PCDHGB2: variants seen among roughly 807,000 people sequenced by gnomAD.
PCDHGB2 encodes the protein protocadherin gamma subfamily B, 2, also known as protocadherin gamma-B2.
PCDHGB2 carries 55 observed loss-of-function variants against 59.3 expected under a neutral mutation model. That is an observed-to-expected ratio of 0.93 (90% CI 0.75 to 1.16). PCDHGB2 has a LOEUF of 1.16. Among genes scored for constraint, PCDHGB2 ranks in the 50% most tolerant of loss-of-function variants. PCDHGB2 has a pLI of 0.00. For missense variants in PCDHGB2, 1,228 were observed against 1,198.5 expected, an observed-to-expected ratio of 1.02 and a Z score of -0.36; for synonymous variants, 516 against 512.0, an observed-to-expected ratio of 1.01 and a Z score of -0.11.
rs367731612 is a variant in PCDHGB2, at chr5:141,419,406, C to T, written c.2421+56850C>T. The T allele has an allele frequency of 6.5e-5, 105 of 1,613,522 alleles. 1 individual carries two copies. The South Asian group carries it at 1.0e-3, about 16-fold the overall frequency. Reference sequence around the variant, plus strand: ...AGCGCGCAGAGCGGGGTGGTGTTCGCGCAGCGCGCCTTCGACCACGAGCAG... The same window carrying T: ...AGCGCGCAGAGCGGGGTGGTGTTCGTGCAGCGCGCCTTCGACCACGAGCAG... On this transcript the variant is annotated intron_variant, in intron 1 of 3. Transcript: ENST00000522605.
chr5:141,511,084 C>G lies in PCDHGB2; in HGVS notation c.2707C>G (p.Leu903Val). 1 of 1,614,236 alleles carries G rather than the reference C, an allele frequency of 6.2e-7. No homozygotes were observed. Among genetic ancestry groups the G allele is most frequent in the Non-Finnish European group, 8.5e-7 (1 of 1,180,030 alleles). The change falls in exon 4 of 4, where the codon CTG becomes GTG. Residue 903 changes from leucine (L) to valine (V), a missense_variant. Leu to Val is a conservative substitution (Grantham distance 32). Around this residue, in one of 3 missense-constraint regions of PCDHGB2, gnomAD observed 433 missense variants for 441.8 expected, o/e 0.98. Coordinates refer to ENST00000522605, the MANE Select transcript of PCDHGB2 (RefSeq NM_018923.3). Reference sequence around the variant, plus strand: ...CTACATCCCAGGCAGCAATGCCACACTGACCAACGCAGCTGGCAAGCGGGA... The same window carrying G: ...CTACATCCCAGGCAGCAATGCCACAGTGACCAACGCAGCTGGCAAGCGGGA... ...NVYIPGSNAT[L>V]TNAAGKRDGK...
chr5:141,509,900 C>T (rs2099878860), intron 3 of PCDHGB2, among the ~76,000 whole-genome samples: 1 of 152,186 alleles, frequency 6.6e-6, no homozygotes, highest in Admixed American at 6.5e-5. Context: ...CTGTCCCTTC[C>T]AGCATGCGCT....
chr5:141,503,598 CAAAA>C (rs765754054), intron 2 of PCDHGB2, among the ~76,000 whole-genome samples: 2 of 65,756 alleles, frequency 3.0e-5, no homozygotes. Flanking sequence ...GACTCCAGCT[CAAAA>C]AAAAAAAAAA....
intron 1 of PCDHGB2, among the ~76,000 whole-genome samples, chr5:141,488,289 TAAGTGAA>T (rs1389982829): frequency 6.6e-6 from 1 of 152,186 alleles, no homozygotes; most frequent in Non-Finnish European, 1.5e-5. Context: ...GAAAAAACAG[TAAGTGAA>T]ATCACTTATG....
At chr5:141,479,003 C>A (rs2099485569) in intron 1 of PCDHGB2, among the ~76,000 whole-genome samples, 1 of 152,176 alleles carries the variant, frequency 6.6e-6, no homozygotes, top group African/African-American at 2.4e-5. Flanking sequence ...AAACTAATAG[C>A]TTTTTGATAA....
At chr5:141,492,382 T>C (rs71583650) in intron 1 of PCDHGB2, among the ~76,000 whole-genome samples, 2,103 of 152,322 alleles carry the variant, frequency 0.014, 36 homozygotes, top group African/African-American at 0.031. Flanking sequence ...ACAGGCCTGT[T>C]CCGGTCCACT....
Position 141,489,268 on chromosome 5 carries a change from G to T in PCDHGB2, c.2422-5539G>T. On this transcript the variant is annotated intron_variant, in intron 1 of 3. Transcript: ENST00000522605. This position sits in a 1 kb window ranked among gnomAD's most constrained non-coding sequence, Gnocchi z 4.5. The stretch of plus-strand genomic sequence containing the variant: ...GGGGCCCAAGACACTCCCACAGCTC[G>T]CTGGGAAATGGCAAGTGCTGTGCAT... The T allele has an allele frequency of 3.9e-6, 6 of 1,553,284 alleles. No homozygotes were observed. The South Asian group carries it at 5.0e-5, about 13-fold the overall frequency.
Position 141,360,662 on chromosome 5 carries a change from A to C in PCDHGB2, c.527A>C (p.Glu176Ala). 5 of 1,614,014 alleles carry C rather than the reference A, an allele frequency of 3.1e-6. No individual in the cohort carries two copies. The Middle Eastern group carries it at 6.6e-4, about 213-fold the overall frequency. Residue 176 changes from glutamate (E) to alanine (A), a missense_variant, in exon 1 of 4, where the codon GAG becomes GCG. This residue lies in a region of PCDHGB2 where 781 missense variants were observed against 721.6 expected (regional missense o/e 1.08). Transcript: ENST00000522605. ...SLQRYHLNDN[E>A]YFDLAEKQTP... ...CAAAGATACCACCTTAATGACAACG[A>C]GTACTTTGATCTCGCTGAGAAACAG...
At chr5:141,430,313 G>A (rs1018901791) in intron 1 of PCDHGB2, among the ~76,000 whole-genome samples, 1 of 150,204 alleles carries the variant, frequency 6.7e-6, no homozygotes, top group South Asian at 2.1e-4. Context: ...AACATTATAA[G>A]ATTAAAATCA....
chr5:141,404,838 C>T (rs1561696680), intron 1 of PCDHGB2: 1 of 1,613,850 alleles, frequency 6.2e-7, no homozygotes, highest in East Asian at 2.2e-5. Flanking sequence ...GTGCGCACAG[C>T]TCGGGCCCTG....
intron 3 of PCDHGB2, among the ~76,000 whole-genome samples, chr5:141,506,444 C>CAA (rs1219684339): frequency 1.2e-3 from 116 of 94,976 alleles, no homozygotes; most frequent in African/African-American, 4.2e-3. Flanking sequence ...CGCTCTGTCT[C>CAA]AAAAAAAAAA....
rs759446483 is a variant in PCDHGB2 at position 141,376,133 on chromosome 5, C to T, written c.2421+13577C>T. On this transcript the variant is annotated intron_variant, in intron 1 of 3. Coordinates refer to ENST00000522605, the MANE Select transcript of PCDHGB2 (RefSeq NM_018923.3). ...GGGCAGCCTCGAGCCCTCCGCCAAA[C>T]CCAACGATTCGGACCTCACTCTGTA... 1.8e-5 allele frequency: 29 copies of T among 1,613,956 alleles called. No homozygotes were observed. The East Asian group carries it at 6.2e-4, about 35-fold the overall frequency.
chr5:141,472,337 C>T (rs1327386198), intron 1 of PCDHGB2, among the ~76,000 whole-genome samples: 1 of 151,764 alleles, frequency 6.6e-6, no homozygotes, highest in Non-Finnish European at 1.5e-5. Context: ...GTTGGGAGAT[C>T]GAGACCATCC....
At chr5:141,365,868 T>TC (rs764390051) in intron 1 of PCDHGB2, 1 of 1,614,024 alleles carries the variant, frequency 6.2e-7, no homozygotes, top group East Asian at 2.2e-5. Flanking sequence ...GACACCGGTG[T>TC]CCTGTATGCT....
chr5:141,420,156 A>T lies in PCDHGB2; in HGVS notation c.2421+57600A>T, dbSNP rs1406451882. ...GGGGATCAAATGAATCCAGAATTTA[A>T]TTTTTTCACATCTGTTGATCATTGT... On this transcript the variant is annotated intron_variant, in intron 1 of 3. Coordinates refer to ENST00000522605, the MANE Select transcript of PCDHGB2 (RefSeq NM_018923.3). The T allele has an allele frequency of 1.4e-5, 22 of 1,613,872 alleles. No individual in the cohort carries two copies. Among genetic ancestry groups the T allele is most frequent in the Middle Eastern group, 3.3e-4 (2 of 6,084 alleles).
chr5:141,508,904 T>C (rs1421450229), intron 3 of PCDHGB2, among the ~76,000 whole-genome samples: 2 of 151,336 alleles, frequency 1.3e-5, no homozygotes, highest in African/African-American at 4.9e-5. Context: ...GGCGGGGCGG[T>C]GGCGGATCTG....
At chr5:141,413,215 T>C in intron 1 of PCDHGB2, 1 of 1,613,350 alleles carries the variant, frequency 6.2e-7, no homozygotes, top group Non-Finnish European at 8.5e-7. Context: ...ATCAAAGGAT[T>C]GCAGCGGGCT....
At chr5:141,472,980 C>CAAAAAAAAAAAAAAAAGAAAA (rs2099308501) in intron 1 of PCDHGB2, among the ~76,000 whole-genome samples, 1 of 86,106 alleles carries the variant, frequency 1.2e-5, no homozygotes, top group Non-Finnish European at 2.5e-5. Context: ...GAGTGAAACT[C>CAAAAAAAAAAAAAAAAGAAAA]AAAAAAAAAA....
At chr5:141,413,588 A>C in intron 1 of PCDHGB2, 1 of 1,613,922 alleles carries the variant, frequency 6.2e-7, no homozygotes, top group South Asian at 1.1e-5. Flanking sequence ...CCAAAATTCC[A>C]AGCAGAAAAT....
Sources: allele counts gnomAD v4.1 joint callset (sites outside exome capture counted in the v4.1 genomes callset), GRCh38; gene constraint gnomAD v4.1.1; regional missense constraint gnomAD v4.1.1; non-coding constraint Gnocchi (gnomAD v3.1); transcripts MANE v1.5; gene names NCBI Gene and HGNC (gene_info 2026-07-23, HGNC 2026-07-21).